Variants in DLGAP1 observed in about 807,000 individuals in gnomAD.
DLGAP1 encodes DLG associated protein 1.
Under a neutral mutation model 90.8 loss-of-function variants are expected in DLGAP1, and 11 were observed. The observed-to-expected ratio is 0.12, with a 90% CI of 0.08 to 0.20. The LOEUF is 0.20. Ranked by LOEUF, DLGAP1 falls within the 10% of genes least tolerant of loss-of-function variation. The pLI is 1.00. For synonymous variants in DLGAP1, 558 were observed against 540.7 expected, an observed-to-expected ratio of 1.03 and a Z score of -0.44; for missense variants, 1,050 against 1,333.8, an observed-to-expected ratio of 0.79 and a Z score of 3.31.
intron 8 of DLGAP1, among the ~76,000 whole-genome samples, chr18:3,577,167 C>G (rs1417032479): frequency 6.6e-6 from 1 of 152,088 alleles, no homozygotes; most frequent in African/African-American, 2.4e-5. Context: ...GGCCCTTCAG[C>G]TCCTTTCAAC....
At chr18:3,768,173 G>A (rs1055433268) in intron 5 of DLGAP1, among the ~76,000 whole-genome samples, 1 of 152,156 alleles carries the variant, frequency 6.6e-6, no homozygotes, top group African/African-American at 2.4e-5. Flanking sequence ...ACACCTGGAC[G>A]CAGAAATTAA....
At chr18:3,557,110 G>T (rs1337988540) in intron 9 of DLGAP1, among the ~76,000 whole-genome samples, 1 of 152,012 alleles carries the variant, frequency 6.6e-6, no homozygotes, top group Admixed American at 6.6e-5. Context: ...TTTTTCTAGT[G>T]TCCTATGGTG....
At chr18:3,713,114 C>T (rs1206431278) in intron 7 of DLGAP1, among the ~76,000 whole-genome samples, 1 of 152,182 alleles carries the variant, frequency 6.6e-6, no homozygotes, top group Non-Finnish European at 1.5e-5. Flanking sequence ...AGGATAGACC[C>T]TGAACCACCA....
chr18:3,763,766 C>T (rs377312170), intron 5 of DLGAP1, among the ~76,000 whole-genome samples: 11 of 151,746 alleles, frequency 7.2e-5, no homozygotes, highest in Admixed American at 5.9e-4. Context: ...CAGGTACAAG[C>T]GATTATCCTG....
intron 7 of DLGAP1, among the ~76,000 whole-genome samples, chr18:3,588,385 G>C (rs1013959037): frequency 4.6e-5 from 7 of 152,034 alleles, no homozygotes; most frequent in African/African-American, 1.7e-4. Flanking sequence ...CTTGAACCTG[G>C]GAGGCGGAGG....
chr18:4,322,090 C>T (rs2080704541), intron 1 of DLGAP1, among the ~76,000 whole-genome samples: 1 of 151,962 alleles, frequency 6.6e-6, no homozygotes, highest in East Asian at 1.9e-4. Context: ...ATCCCAGCTA[C>T]ATGGGAGGCT....
intron 2 of DLGAP1, among the ~76,000 whole-genome samples, chr18:4,094,262 C>G (rs1311631100): frequency 6.6e-6 from 1 of 152,066 alleles, no homozygotes; most frequent in Non-Finnish European, 1.5e-5. Flanking sequence ...AATCTTATCT[C>G]TTTCCTTTTA....
intron 2 of DLGAP1, among the ~76,000 whole-genome samples, chr18:4,069,018 A>T (rs371400104): frequency 6.6e-6 from 1 of 152,020 alleles, no homozygotes; most frequent in East Asian, 1.9e-4. Context: ...TGAGTTACTT[A>T]GCCTTCTCAG....
At chr18:3,936,657 T>C (rs2072647864) in intron 3 of DLGAP1, among the ~76,000 whole-genome samples, 1 of 152,216 alleles carries the variant, frequency 6.6e-6, no homozygotes, top group South Asian at 2.1e-4. Context: ...TTGCATAATT[T>C]CTGGCCAGTA....
At chr18:4,202,151 A>C (rs1433138716) in intron 1 of DLGAP1, among the ~76,000 whole-genome samples, 2 of 152,086 alleles carry the variant, frequency 1.3e-5, no homozygotes, top group Non-Finnish European at 2.9e-5. Flanking sequence ...ACACACACAC[A>C]CACCATAGGA....
At chr18:3,510,528 A>G (rs11662708) in intron 10 of DLGAP1, among the ~76,000 whole-genome samples, 117,400 of 152,102 alleles carry the variant, frequency 0.77, 45,379 homozygotes, top group Admixed American at 0.82. Flanking sequence ...TTCCAGCTCC[A>G]AGAAGGTATA....
At chr18:4,214,632 G>A (rs1005899624) in intron 1 of DLGAP1, among the ~76,000 whole-genome samples, 3 of 152,114 alleles carry the variant, frequency 2.0e-5, no homozygotes, top group African/African-American at 7.2e-5. Flanking sequence ...CTATCTCTCA[G>A]ACATGAAAAC....
At chr18:3,733,302 G>T (rs2062512214) in intron 6 of DLGAP1, among the ~76,000 whole-genome samples, 1 of 152,134 alleles carries the variant, frequency 6.6e-6, no homozygotes, top group Non-Finnish European at 1.5e-5. Context: ...CGCTACAGGT[G>T]GTCCATGACT....
intron 2 of DLGAP1, among the ~76,000 whole-genome samples, chr18:4,146,711 A>G (rs1487723029): frequency 6.6e-6 from 1 of 152,182 alleles, no homozygotes; most frequent in Non-Finnish European, 1.5e-5. Flanking sequence ...ACAAAAGTGA[A>G]TTATGAGATA....
At chr18:3,603,086 CAATA>C (rs1321607319) in intron 7 of DLGAP1, 2 of 152,126 alleles carry the variant, frequency 1.3e-5, no homozygotes, top group African/African-American at 4.8e-5. Context: ...AATGAATTAC[CAATA>C]AAGGGTTGGG....
At chr18:3,792,784 G>A (rs781705796) in intron 5 of DLGAP1, among the ~76,000 whole-genome samples, 1 of 152,194 alleles carries the variant, frequency 6.6e-6, no homozygotes, top group Non-Finnish European at 1.5e-5. Context: ...ACTGGGGCTT[G>A]TGCATGTACC....
chr18:3,788,836 C>A (rs533880744), intron 5 of DLGAP1, among the ~76,000 whole-genome samples: 2 of 152,164 alleles, frequency 1.3e-5, no homozygotes, highest in Middle Eastern at 3.2e-3. Context: ...AACTACATGT[C>A]CATTATTGTT....
Position 4,341,884 on chromosome 18 carries a change from A to G in DLGAP1, c.-267+113122T>C, listed in dbSNP as rs897729081. ...GATAAAATGATGAAAGATAGCTTTG[A>G]AATTAAACTGATGTGAATTAAACTG... On this transcript the variant is annotated intron_variant, in intron 1 of 12. Transcript: ENST00000315677. Among the ~76,000 whole-genome samples the G allele has an allele frequency of 4.6e-5, 7 of 152,098 alleles. 1 individual carries two copies. Among genetic ancestry groups the G allele is most frequent in the African/African-American group, 1.4e-4 (6 of 41,392 alleles).
intron 8 of DLGAP1, among the ~76,000 whole-genome samples, chr18:3,568,908 G>T (rs1056416173): frequency 9.9e-5 from 15 of 151,532 alleles, no homozygotes; most frequent in Admixed American, 5.9e-4. Flanking sequence ...GGATGGTCTC[G>T]ATCTCCTGAC....
Sources: gnomAD v4.1 joint callset for allele counts (sites outside exome capture counted in the v4.1 genomes callset) on GRCh38, gnomAD v4.1.1 for gene constraint, MANE v1.5 for transcripts, NCBI Gene and HGNC (gene_info 2026-07-23, HGNC 2026-07-21) for gene names.